Variants in PCDH11X observed in about 807,000 individuals in gnomAD.
The protein encoded by PCDH11X is protocadherin 11 X-linked.
Under a neutral mutation model 53.3 loss-of-function variants are expected in PCDH11X, and 18 were observed. The observed-to-expected ratio is 0.34, with a 90% CI of 0.23 to 0.50. The LOEUF (loss-of-function observed/expected upper bound fraction) is 0.50. Among genes scored for constraint, PCDH11X ranks in the 20% least tolerant of loss-of-function variants. The pLI, the probability that PCDH11X is intolerant of heterozygous loss-of-function variation, is 0.98. For missense variants in PCDH11X, 570 were observed against 1,032.4 expected, an observed-to-expected ratio of 0.55 and a Z score of 6.14; for synonymous variants, 279 against 393.3, an observed-to-expected ratio of 0.71 and a Z score of 3.44.
At chrX:91,871,912 G>T (rs1414498982) in intron 5 of PCDH11X, among the ~76,000 whole-genome samples, 2 of 110,928 alleles carry the variant, frequency 1.8e-5, no homozygotes, top group African/African-American at 3.3e-5. Context: ...TTAGGATGAG[G>T]TTATTAGAAA....
At chrX:92,365,435 T>A (rs1297415482) in intron 8 of PCDH11X, among the ~76,000 whole-genome samples, 1 of 110,193 alleles carries the variant, frequency 9.1e-6, no homozygotes, top group Admixed American at 9.8e-5. Context: ...AAAGACAGGG[T>A]CACACCATGT....
chrX:92,260,640 C>T (rs1449582865), intron 7 of PCDH11X, among the ~76,000 whole-genome samples: 1 of 110,825 alleles, frequency 9.0e-6, no homozygotes, highest in African/African-American at 3.3e-5. Context: ...CTTTTTGGGG[C>T]AACTATCAGT....
At chrX:91,954,936 G>A (rs2061690411) in intron 6 of PCDH11X, among the ~76,000 whole-genome samples, 1 of 108,252 alleles carries the variant, frequency 9.2e-6, no homozygotes, top group African/African-American at 3.5e-5. Context: ...TTCTTTTGCT[G>A]TGCAGAAGCT....
At chrX:92,426,800 G>A (rs1399646102) in intron 9 of PCDH11X, among the ~76,000 whole-genome samples, 3 of 110,539 alleles carry the variant, frequency 2.7e-5, no homozygotes, top group African/African-American at 6.6e-5. Context: ...AATTTTATTC[G>A]AAAGGGACCT....
chrX:92,088,547 A>G (rs1012085608), intron 6 of PCDH11X, among the ~76,000 whole-genome samples: 3 of 110,549 alleles, frequency 2.7e-5, no homozygotes, highest in South Asian at 3.8e-4. Flanking sequence ...GCTTATTACA[A>G]TTCATCAAAA....
chrX:92,209,410 C>A (rs1021937884), intron 7 of PCDH11X, among the ~76,000 whole-genome samples: 14 of 112,036 alleles, frequency 1.2e-4, no homozygotes, highest in Admixed American at 3.8e-4. Context: ...TGGCTACAGG[C>A]CCTACGCAAG....
At chrX:92,481,275 G>A (rs1433500876) in intron 10 of PCDH11X, among the ~76,000 whole-genome samples, 1 of 103,890 alleles carries the variant, frequency 9.6e-6, no homozygotes, top group Non-Finnish European at 2.0e-5. Context: ...AGCAGTGGAA[G>A]GGCAGGGTTC....
chrX:92,113,209 G>T (rs2064558459), intron 6 of PCDH11X: 1 of 1,161,560 alleles, frequency 8.6e-7, no homozygotes, highest in African/African-American at 1.9e-5. Flanking sequence ...CCGAGATTGA[G>T]CCCTGGCTGG....
At chrX:92,338,138 C>T (rs148054869) in intron 8 of PCDH11X, among the ~76,000 whole-genome samples, 2,256 of 111,760 alleles carry the variant, frequency 0.02, 53 homozygotes, top group African/African-American at 0.069. Flanking sequence ...GATCTGTTCT[C>T]ATGTTTAAAT....
intron 9 of PCDH11X, among the ~76,000 whole-genome samples, chrX:92,421,591 T>C (rs952241726): frequency 1.1e-4 from 12 of 112,003 alleles, no homozygotes; most frequent in African/African-American, 3.9e-4. Context: ...TATGTCTTTA[T>C]GGCAGAACGA....
chrX:92,293,420 C>T (rs1212563850), intron 8 of PCDH11X, among the ~76,000 whole-genome samples: 1 of 109,555 alleles, frequency 9.1e-6, no homozygotes, highest in Admixed American at 9.8e-5. Context: ...GTCAGGAGAT[C>T]GAGACCATCC....
In PCDH11X at chrX:92,285,246, ATTT is replaced by A. The variant is rs36047305; in HGVS notation, c.3144+22125_3144+22127del. 7.8e-3 allele frequency among the ~76,000 whole-genome samples: 317 copies of A among 40,779 alleles called. 1 individual carries two copies. Among genetic ancestry groups the A allele is most frequent in the African/African-American group, 0.025 (298 of 12,066 alleles). 35.4% of individuals were successfully genotyped at this position (40,779 alleles called of 115,157 possible). On this transcript the variant is annotated intron_variant, in intron 8 of 10. Transcript: ENST00000682573. ...TATGGATTTTCTGTTAGACTGTAGA[ATTT>A]TTTTTTTTTTTTTTTTTTTTTGAGA...
chrX:91,901,076 C>T (rs1247189532), intron 6 of PCDH11X, among the ~76,000 whole-genome samples: 2 of 110,364 alleles, frequency 1.8e-5, no homozygotes, highest in Non-Finnish European at 3.8e-5. Context: ...CTGGGCCTTG[C>T]ATAAAACTGT....
chrX:92,038,236 G>A (rs1212623561), intron 6 of PCDH11X, among the ~76,000 whole-genome samples: 2 of 107,285 alleles, frequency 1.9e-5, no homozygotes, highest in Non-Finnish European at 3.8e-5. Flanking sequence ...GGGGTCCAGG[G>A]CATGTTAGAG....
chrX:92,506,418 C>T (rs1197956347), intron 10 of PCDH11X, among the ~76,000 whole-genome samples: 1 of 98,903 alleles, frequency 1.0e-5, no homozygotes, highest in Non-Finnish European at 2.0e-5. Context: ...TCCTTCAATG[C>T]CTAGTTTGTT....
intron 10 of PCDH11X, among the ~76,000 whole-genome samples, chrX:92,601,502 A>T (rs1352795057): frequency 7.6e-4 from 58 of 76,430 alleles, no homozygotes; most frequent in African/African-American, 5.1e-3. Flanking sequence ...GGTGATTCAT[A>T]AAAAAAAAAA....
In PCDH11X at chrX:91,878,273, C is replaced by T; in HGVS notation, c.2033C>T (p.Ser678Phe). ...DNKPVFIVPP[S>F]NCSYELVLPS... ...AAACCAGTTTTCATTGTCCCTCCTTCCAACTGTTCTTATGAATTGGTTCTA... is the reference window on the plus strand; with the variant it reads ...AAACCAGTTTTCATTGTCCCTCCTTTCAACTGTTCTTATGAATTGGTTCTA... Residue 678 changes from serine to phenylalanine, a missense_variant, in exon 6 of 11, where the codon TCC becomes TTC. Transcript: ENST00000682573. The T allele has an allele frequency of 8.3e-7, 1 of 1,211,911 alleles. No individual in the cohort carries two copies. The highest frequency in any genetic ancestry group is 1.1e-6 in the Non-Finnish European group (1 of 895,490).
intron 6 of PCDH11X, among the ~76,000 whole-genome samples, chrX:92,193,077 C>A (rs752004566): frequency 9.0e-6 from 1 of 111,627 alleles, no homozygotes; most frequent in South Asian, 3.8e-4. Flanking sequence ...TAGTTATGGG[C>A]AGACTTGTTT....
chrX:92,549,197 A>G (rs1219343678), intron 10 of PCDH11X, among the ~76,000 whole-genome samples: 3 of 105,531 alleles, frequency 2.8e-5, no homozygotes, highest in Non-Finnish European at 3.9e-5. Context: ...ATATACATAT[A>G]TAATATGTAT....
Sources: allele counts gnomAD v4.1 joint callset (sites outside exome capture counted in the v4.1 genomes callset), GRCh38; gene constraint gnomAD v4.1.1; transcripts MANE v1.5; gene names NCBI Gene and HGNC (gene_info 2026-07-23, HGNC 2026-07-21).